Variants in ST8SIA2 observed in about 807,000 individuals in gnomAD.
ST8SIA2 encodes the protein ST8 alpha-N-acetyl-neuraminide alpha-2,8-sialyltransferase 2.
In ST8SIA2, 22 loss-of-function variants were observed where a neutral mutation model predicts 37.6. That is an observed-to-expected ratio of 0.58 (90% CI 0.42 to 0.83). The LOEUF (loss-of-function observed/expected upper bound fraction) is 0.83, where lower values mean the gene tolerates loss of function less well. ST8SIA2 is among the 40% of genes least tolerant of loss of function. ST8SIA2 has a pLI of 0.00. For missense variants in ST8SIA2, 382 were observed against 484.7 expected, an observed-to-expected ratio of 0.79 and a Z score of 1.99; for synonymous variants, 205 against 201.2, an observed-to-expected ratio of 1.02 and a Z score of -0.16.
At chr15:92,430,395 T>C (rs2049706684) in intron 2 of ST8SIA2, among the ~76,000 whole-genome samples, 1 of 152,202 alleles carries the variant, frequency 6.6e-6, no homozygotes, top group Non-Finnish European at 1.5e-5. Context: ...CCAATGAGCT[T>C]ACTCAAACTT....
intron 5 of ST8SIA2, among the ~76,000 whole-genome samples, chr15:92,450,513 G>C (rs1440031155): frequency 6.6e-6 from 1 of 152,174 alleles, no homozygotes; most frequent in Non-Finnish European, 1.5e-5. Flanking sequence ...TTCAGCTTCT[G>C]GGGAGACCTT....
At chr15:92,425,813 C>G (rs1428681228) in intron 1 of ST8SIA2, among the ~76,000 whole-genome samples, 1 of 152,052 alleles carries the variant, frequency 6.6e-6, no homozygotes, top group African/African-American at 2.4e-5. Context: ...TAGGGGAATA[C>G]CTGGCCCTAC....
At chr15:92,426,110 TTGAC>T (rs2049673923) in intron 1 of ST8SIA2, among the ~76,000 whole-genome samples, 1 of 152,190 alleles carries the variant, frequency 6.6e-6, no homozygotes, top group Non-Finnish European at 1.5e-5. Flanking sequence ...CTTGGTCTCT[TTGAC>T]TGTATGAGGA....
chr15:92,416,937 A>G (rs2049591496), intron 1 of ST8SIA2, among the ~76,000 whole-genome samples: 1 of 152,114 alleles, frequency 6.6e-6, no homozygotes, highest in South Asian at 2.1e-4. Flanking sequence ...ACTGATTCTT[A>G]TTTCTCCCTA....
chr15:92,453,320 A>G (rs969449926), intron 5 of ST8SIA2, among the ~76,000 whole-genome samples: 2 of 152,076 alleles, frequency 1.3e-5, no homozygotes, highest in African/African-American at 4.8e-5. Flanking sequence ...ATTTTTACCA[A>G]TAACTTAAAT....
intron 1 of ST8SIA2, among the ~76,000 whole-genome samples, chr15:92,410,581 A>G (rs916010312): frequency 2.0e-5 from 3 of 152,204 alleles, no homozygotes; most frequent in Non-Finnish European, 2.9e-5. Flanking sequence ...ACGTAACGGG[A>G]TGTAGAAAAG....
rs1188881229 is a variant in ST8SIA2 at position 92,465,158 on chromosome 15, A to T, written c.*773A>T. ...TAATGTTCCGAATCATGTTTTTGAAAAATCAAGACCTCCTGTTAAGGGCCC... is the reference window on the plus strand; with the variant it reads ...TAATGTTCCGAATCATGTTTTTGAATAATCAAGACCTCCTGTTAAGGGCCC... On this transcript the variant is annotated 3_prime_UTR_variant, in exon 6 of 6. Transcript: ENST00000268164. 1 of 152,470 alleles carries T rather than the reference A, an allele frequency of 6.6e-6. No homozygotes were observed. Among genetic ancestry groups the T allele is most frequent in the East Asian group, 1.9e-4 (1 of 5,172 alleles). 9.4% of individuals were successfully genotyped at this position (152,470 alleles called of 1,614,324 possible).
intron 5 of ST8SIA2, among the ~76,000 whole-genome samples, chr15:92,458,514 C>T (rs1415438366): frequency 3.9e-5 from 6 of 152,144 alleles, no homozygotes; most frequent in Admixed American, 2.0e-4. Flanking sequence ...GTGGTCCCTG[C>T]GCTTGGGGAG....
chr15:92,401,210 G>A (rs1013621790), intron 1 of ST8SIA2, among the ~76,000 whole-genome samples: 11 of 152,310 alleles, frequency 7.2e-5, no homozygotes, highest in Admixed American at 1.3e-4. Context: ...CTGCCAGGGC[G>A]TGGGGACAAG....
intron 1 of ST8SIA2, among the ~76,000 whole-genome samples, chr15:92,402,820 G>T (rs2049481215): frequency 6.6e-6 from 1 of 152,014 alleles, no homozygotes; most frequent in Non-Finnish European, 1.5e-5. Flanking sequence ...TGGCTCCGGA[G>T]CATGGCATTT....
chr15:92,397,602 C>T (rs2049440887), intron 1 of ST8SIA2, among the ~76,000 whole-genome samples: 1 of 152,182 alleles, frequency 6.6e-6, no homozygotes. Flanking sequence ...TCAATTCATG[C>T]ACACTCCCAA....
chr15:92,434,221 C>G, intron 2 of ST8SIA2, 26 bp from the exon 3 acceptor site: 1 of 1,613,582 alleles, frequency 6.2e-7, no homozygotes, highest in Non-Finnish European at 8.5e-7. Flanking sequence ...TCATGTCTAC[C>G]CTCTTTCTTT....
At chr15:92,455,508 T>C (rs1370520545) in intron 5 of ST8SIA2, among the ~76,000 whole-genome samples, 2 of 152,212 alleles carry the variant, frequency 1.3e-5, no homozygotes, top group Non-Finnish European at 2.9e-5. Flanking sequence ...TGTGTGTGGA[T>C]CCTTCCAAAA....
At chr15:92,419,846 T>C (rs1192907664) in intron 1 of ST8SIA2, among the ~76,000 whole-genome samples, 1 of 152,184 alleles carries the variant, frequency 6.6e-6, no homozygotes, top group Non-Finnish European at 1.5e-5. Context: ...AGCATTATCT[T>C]AGAAGTCTGT....
At chr15:92,435,703 G>A (rs940474338) in intron 3 of ST8SIA2, among the ~76,000 whole-genome samples, 3 of 152,090 alleles carry the variant, frequency 2.0e-5, no homozygotes, top group African/African-American at 7.2e-5. Flanking sequence ...ATCTGAAGTA[G>A]CTGACTCCCT....
chr15:92,418,640 G>A (rs2141818328), intron 1 of ST8SIA2, among the ~76,000 whole-genome samples: 1 of 152,286 alleles, frequency 6.6e-6, no homozygotes, highest in East Asian at 1.9e-4. Context: ...TGGGATGGTG[G>A]AGGCATCACT....
At position 92,465,383 on chromosome 15, in the gene ST8SIA2, G is replaced by A. The variant is rs2049984954; in HGVS notation, c.*998G>A. On this transcript the variant is annotated 3_prime_UTR_variant, in exon 6 of 6. Coordinates refer to ENST00000268164, the MANE Select transcript of ST8SIA2 (RefSeq NM_006011.4). ...GGGAAGCCACAATGAGAGCTTGAAA[G>A]GGTGCTGTCAAGATAAATGTCATCC... 1.3e-5 allele frequency: 2 copies of A among 152,218 alleles called. No individual in the cohort carries two copies. The highest frequency in any genetic ancestry group is 2.4e-5 in the African/African-American group (1 of 41,440). 9.4% of individuals were successfully genotyped at this position (152,218 alleles called of 1,614,324 possible). A position where few individuals can be genotyped will look rare whatever the true frequency, so the allele number is the denominator to read the frequency against.
chr15:92,432,162 C>T (rs1269757745), intron 2 of ST8SIA2, among the ~76,000 whole-genome samples: 1 of 152,186 alleles, frequency 6.6e-6, no homozygotes, highest in African/African-American at 2.4e-5. Flanking sequence ...AGAGCCCAGT[C>T]ACTGATTTCT....
chr15:92,434,447 G>T (rs1008403896), intron 3 of ST8SIA2, 72 bp downstream of exon 3: 1 of 1,600,456 alleles, frequency 6.2e-7, no homozygotes, highest in African/African-American at 1.3e-5. Context: ...GCTTCTCTTC[G>T]TCATCTAAAG....
Sources: allele counts gnomAD v4.1 joint callset (sites outside exome capture counted in the v4.1 genomes callset), GRCh38; gene constraint gnomAD v4.1.1; transcripts MANE v1.5; gene names NCBI Gene and HGNC (gene_info 2026-07-23, HGNC 2026-07-21).